ZBTB20: variants seen among roughly 807,000 people sequenced by gnomAD.
ZBTB20 encodes the protein zinc finger and BTB domain-containing protein 20.
ZBTB20 carries 9 observed loss-of-function variants against 56.9 expected under a neutral mutation model. That is an observed-to-expected ratio of 0.16 (90% CI 0.10 to 0.28). The LOEUF is 0.28. Among genes scored for constraint, ZBTB20 ranks in the 10% least tolerant of loss-of-function variants. The pLI is 1.00. For missense variants in ZBTB20, 655 were observed against 1,003.0 expected (o/e 0.65, Z 4.69); for synonymous variants, 417 against 420.7 (o/e 0.99, Z 0.11).
intron 7 of ZBTB20, among the ~76,000 whole-genome samples, chr3:114,484,784 G>C (rs2041923109): frequency 6.8e-6 from 1 of 146,110 alleles, no homozygotes; most frequent in Admixed American, 6.9e-5. Context: ...CAGGAGAAAA[G>C]CTCATATCAA....
chr3:115,103,385 A>T (rs1158646601), intron 1 of ZBTB20, among the ~76,000 whole-genome samples: 1 of 152,220 alleles, frequency 6.6e-6, no homozygotes, highest in African/African-American at 2.4e-5. Flanking sequence ...AAGACTGAAA[A>T]TAACCAACAT....
intron 7 of ZBTB20, 140 bp downstream of exon 7, chr3:114,500,212 C>G (rs1286044460): frequency 6.6e-6 from 1 of 152,174 alleles, no homozygotes; most frequent in African/African-American, 2.4e-5. Context: ...GCATACACTC[C>G]AAACGCAAAA....
chr3:114,577,946 A>G (rs191035859), intron 6 of ZBTB20, among the ~76,000 whole-genome samples: 47 of 152,328 alleles, frequency 3.1e-4, no homozygotes, highest in Non-Finnish European at 2.9e-4. Flanking sequence ...ATTCTAAAGC[A>G]TAACCAAGTA....
intron 6 of ZBTB20, among the ~76,000 whole-genome samples, chr3:114,505,706 T>C (rs75045206): frequency 0.011 from 1,636 of 152,270 alleles, 29 homozygotes; most frequent in African/African-American, 0.038. Context: ...TCATTCCAAA[T>C]AGTAGGATGA....
chr3:114,398,040 A>G (rs929142993), intron 7 of ZBTB20, among the ~76,000 whole-genome samples: 2 of 152,162 alleles, frequency 1.3e-5, no homozygotes, highest in Non-Finnish European at 2.9e-5. Flanking sequence ...TCTCTGAGCT[A>G]CTGTATATAC....
At chr3:114,692,264 A>G (rs1248666592) in intron 6 of ZBTB20, among the ~76,000 whole-genome samples, 1 of 152,120 alleles carries the variant, frequency 6.6e-6, no homozygotes, top group Non-Finnish European at 1.5e-5. Flanking sequence ...TTGGGGTAGC[A>G]TAGCAAGTAA....
chr3:114,408,560 A>C (rs2087570647), intron 7 of ZBTB20, among the ~76,000 whole-genome samples: 2 of 151,904 alleles, frequency 1.3e-5, no homozygotes, highest in Non-Finnish European at 2.9e-5. Flanking sequence ...CGAAAGATTC[A>C]ATGTTTTTAA....
At position 114,598,792 on chromosome 3, in the gene ZBTB20, T is replaced by C. The variant is rs576925103; in HGVS notation, c.-295+94736A>G. Among the ~76,000 whole-genome samples, 84 of 152,224 alleles carry C rather than the reference T, an allele frequency of 5.5e-4. 2 individuals are homozygous for C. Among genetic ancestry groups the C allele is most frequent in the African/African-American group, 1.7e-3 (70 of 41,558 alleles). On this transcript the variant is annotated intron_variant, in intron 6 of 11. Transcript: ENST00000675478. ...AAAATAATTATGTAATAGTAATTCA[T>C]GTTAGTTACAAGAAACTTGAAAACA... is the stretch of plus-strand genomic sequence containing the variant.
chr3:114,860,978 C>T (rs1431257691), intron 4 of ZBTB20, among the ~76,000 whole-genome samples: 1 of 152,102 alleles, frequency 6.6e-6, no homozygotes, highest in Non-Finnish European at 1.5e-5. Context: ...GAATGGAACC[C>T]TCTATGTCTG....
At chr3:114,754,322 A>G (rs938609808) in intron 5 of ZBTB20, among the ~76,000 whole-genome samples, 50 of 152,152 alleles carry the variant, frequency 3.3e-4, no homozygotes, top group African/African-American at 1.1e-3. Flanking sequence ...CTGGCAACAA[A>G]TCACTGATTA....
At chr3:114,820,054 G>A (rs1481432017) in intron 4 of ZBTB20, among the ~76,000 whole-genome samples, 1 of 151,828 alleles carries the variant, frequency 6.6e-6, no homozygotes, top group Non-Finnish European at 1.5e-5. Context: ...ACATACAATT[G>A]GAGAAGAATT....
intron 4 of ZBTB20, among the ~76,000 whole-genome samples, chr3:114,810,268 T>C (rs1578971146): frequency 6.6e-6 from 1 of 152,230 alleles, no homozygotes; most frequent in Non-Finnish European, 1.5e-5. Context: ...AAGTTCACTA[T>C]GATAGTATCC....
rs28479927 is a variant in ZBTB20, at chr3:114,386,132, C to T, written c.-154+2873G>A. Among the ~76,000 whole-genome samples the T allele has an allele frequency of 2.7e-3, 416 of 152,280 alleles. 3 individuals carry two copies. Among genetic ancestry groups the T allele is most frequent in the African/African-American group, 9.5e-3 (393 of 41,542 alleles). The stretch of plus-strand genomic sequence containing the variant: ...TATAGAAGCCCATCAAGCCTGGACA[C>T]TATGGTCTATTCATTGAGACCAACC... On this transcript the variant is annotated intron_variant, in intron 8 of 11. Transcript: ENST00000675478.
intron 6 of ZBTB20, among the ~76,000 whole-genome samples, chr3:114,632,357 C>A (rs1361657804): frequency 6.6e-6 from 1 of 152,084 alleles, no homozygotes; most frequent in African/African-American, 2.4e-5. Flanking sequence ...ACATGCACAC[C>A]CCCCTCTCCC....
chr3:114,894,253 C>T lies in ZBTB20; in HGVS notation c.-417+6051G>A, dbSNP rs192294020. Among the ~76,000 whole-genome samples the T allele has an allele frequency of 5.3e-5, 8 of 152,256 alleles. No individual in the cohort carries two copies. In the East Asian group the frequency reaches 1.5e-3, roughly 29 times the overall value. ...AAAATGGGAGAAATAACATCTTCCTCACAGGGCTGTTGCAAGGATCATAAA... is the reference window on the plus strand; with the variant it reads ...AAAATGGGAGAAATAACATCTTCCTTACAGGGCTGTTGCAAGGATCATAAA... On this transcript the variant is annotated intron_variant, in intron 4 of 11. Transcript: ENST00000675478.
chr3:114,433,165 G>GC (rs1313303496), intron 7 of ZBTB20, among the ~76,000 whole-genome samples: 1 of 152,106 alleles, frequency 6.6e-6, no homozygotes, highest in African/African-American at 2.4e-5. Flanking sequence ...TTTTCCTTCT[G>GC]CCCTGTAAGA....
intron 5 of ZBTB20, among the ~76,000 whole-genome samples, chr3:114,709,896 C>T (rs2063951064): frequency 6.6e-6 from 1 of 152,130 alleles, no homozygotes; most frequent in African/African-American, 2.4e-5. Flanking sequence ...TAGTTTATGT[C>T]TTTGTACAAT....
chr3:114,642,744 T>C (rs763117950), intron 6 of ZBTB20, among the ~76,000 whole-genome samples: 6 of 152,092 alleles, frequency 3.9e-5, no homozygotes, highest in Non-Finnish European at 7.4e-5. Context: ...CCTTGGGTTC[T>C]AAGACTCATT....
chr3:115,073,066 G>T (rs1394249889), intron 1 of ZBTB20, among the ~76,000 whole-genome samples: 1 of 152,090 alleles, frequency 6.6e-6, no homozygotes, highest in African/African-American at 2.4e-5. Flanking sequence ...TCTATAACAG[G>T]AGTAACAAAT....
Sources: allele counts gnomAD v4.1 joint callset (sites outside exome capture counted in the v4.1 genomes callset), GRCh38; gene constraint gnomAD v4.1.1; transcripts MANE v1.5; gene names NCBI Gene and HGNC (gene_info 2026-07-23, HGNC 2026-07-21).